RTKN: variants seen among roughly 807,000 people sequenced by gnomAD.
RTKN encodes rhotekin.
In RTKN, 49 loss-of-function variants were observed where a neutral mutation model predicts 63.5. The ratio of observed to expected loss-of-function variants is 0.77; its 90% CI spans 0.61 to 0.98. The LOEUF (loss-of-function observed/expected upper bound fraction) is 0.98. RTKN is among the 50% of genes least tolerant of loss of function. The pLI, the probability that RTKN is intolerant of heterozygous loss-of-function variation, is 0.00. For synonymous variants in RTKN, 295 were observed against 290.4 expected, an observed-to-expected ratio of 1.02 and a Z score of -0.16; for missense variants, 685 against 740.8, an observed-to-expected ratio of 0.92 and a Z score of 0.87.
chr2:74,440,191 T>G, intron 1 of RTKN: 3 of 428,882 alleles, frequency 7.0e-6, no homozygotes, highest in Non-Finnish European at 9.5e-6. Context: ...CAGCTTAGTT[T>G]GAGAAAGTTG....
intron 2 of RTKN, 40 bp downstream of exon 2, chr2:74,432,427 C>A: frequency 6.3e-7 from 1 of 1,584,566 alleles, no homozygotes. Flanking sequence ...ACCCAGAAGG[C>A]CTCCTGCCTC....
chr2:74,430,040 G>A lies in RTKN; in HGVS notation c.546-3C>T. The A allele has an allele frequency of 6.2e-7, 1 of 1,614,032 alleles. No individual in the cohort carries two copies. The highest frequency in any genetic ancestry group is 8.5e-7 in the Non-Finnish European group (1 of 1,179,886). On this transcript the variant is annotated splice_polypyrimidine_tract_variant and splice_region_variant and intron_variant, in intron 5 of 11. Coordinates refer to ENST00000272430, the MANE Select transcript of RTKN (RefSeq NM_001015055.2). Reference sequence around the variant, plus strand: ...CAAAGTCTGGCCCCGCCTCAGCGCTGGTGGGAGGAAGAAAGGAGGGTGGTC... The same window carrying A: ...CAAAGTCTGGCCCCGCCTCAGCGCTAGTGGGAGGAAGAAAGGAGGGTGGTC...
At chr2:74,431,248 T>C (rs554058240) in intron 2 of RTKN, among the ~76,000 whole-genome samples, 76 of 151,950 alleles carry the variant, frequency 5.0e-4, no homozygotes, top group Non-Finnish European at 7.6e-4. Context: ...ACTCCCCAAC[T>C]TTGATTTCTC....
At chr2:74,440,574 G>A (rs1272445058) in intron 1 of RTKN, 1 of 985,794 alleles carries the variant, frequency 1.0e-6, no homozygotes, top group Non-Finnish European at 1.2e-6. Flanking sequence ...CAGCTCCTCC[G>A]AGCTGTCCCC....
chr2:74,426,981 T>C (rs1670433019), intron 11 of RTKN, 188 bp downstream of exon 11: 1 of 985,244 alleles, frequency 1.0e-6, no homozygotes, highest in Admixed American at 6.1e-5. Context: ...TTTTGAACTT[T>C]GGTGGAGGTG....
intron 1 of RTKN, among the ~76,000 whole-genome samples, chr2:74,435,794 G>C (rs1450360781): frequency 1.3e-5 from 2 of 152,222 alleles, no homozygotes; most frequent in African/African-American, 4.8e-5. Flanking sequence ...GTCCCTAGTG[G>C]CTCCAGCCTT....
intron 1 of RTKN, among the ~76,000 whole-genome samples, chr2:74,434,204 G>C (rs981522423): frequency 6.6e-6 from 1 of 151,508 alleles, no homozygotes; most frequent in Non-Finnish European, 1.5e-5. Context: ...CCAGGTTCAA[G>C]TGATTCTTGT....
Position 74,441,835 on chromosome 2 carries a change from T to C in RTKN, c.-19A>G. On this transcript the variant is annotated 5_prime_UTR_variant, in exon 1 of 12. Coordinates refer to ENST00000272430, the MANE Select transcript of RTKN (RefSeq NM_001015055.2). ...AGAACATGCTGGCGGCCCTGCGACT[T>C]TGCCTGCTCAGTGCGCTCCCCGCGC... is the stretch of plus-strand genomic sequence containing the variant. The C allele has an allele frequency of 6.5e-7, 1 of 1,545,864 alleles. No homozygotes were observed. The highest frequency in any genetic ancestry group is 8.9e-7 in the Non-Finnish European group (1 of 1,126,378).
chr2:74,439,537 G>C, intron 1 of RTKN: 1 of 1,613,936 alleles, frequency 6.2e-7, no homozygotes, highest in Non-Finnish European at 8.5e-7. Context: ...GTACTCCAAG[G>C]GTCGGGGGAT....
At chr2:74,441,636 A>C in intron 1 of RTKN, 70 bp downstream of exon 1, 6 of 1,089,646 alleles carry the variant, frequency 5.5e-6, no homozygotes, top group Non-Finnish European at 8.2e-6. Context: ...GGGCGAGGGA[A>C]GGAGGCCGAG....
intron 1 of RTKN, among the ~76,000 whole-genome samples, chr2:74,437,483 C>T (rs994614302): frequency 1.3e-5 from 2 of 152,080 alleles, no homozygotes; most frequent in Non-Finnish European, 2.9e-5. Context: ...CTCCTCTGCC[C>T]CAGAACTTGA....
chr2:74,434,790 T>C (rs894543289), intron 1 of RTKN, among the ~76,000 whole-genome samples: 1 of 151,466 alleles, frequency 6.6e-6, no homozygotes, highest in Non-Finnish European at 1.5e-5. Context: ...CTTTGGAGTT[T>C]AAAAAAAAAT....
At chr2:74,428,116 G>T in intron 9 of RTKN, 152 bp downstream of exon 9, 3 of 925,922 alleles carry the variant, frequency 3.2e-6, no homozygotes, top group Non-Finnish European at 3.3e-6. Flanking sequence ...TGTAGTTGGG[G>T]AAAATACGGG....
intron 1 of RTKN, among the ~76,000 whole-genome samples, chr2:74,441,086 C>T (rs1016288386): frequency 1.3e-5 from 2 of 152,352 alleles, no homozygotes; most frequent in African/African-American, 2.4e-5. Context: ...AACGCGTGGA[C>T]GGCGGACGGG....
chr2:74,432,490 C>T lies in RTKN; in HGVS notation c.288G>A (p.Gln96=), dbSNP rs1474251103. The T allele has an allele frequency of 3.7e-6, 6 of 1,611,412 alleles. No individual in the cohort carries two copies. Among genetic ancestry groups the T allele is most frequent in the Non-Finnish European group, 4.2e-6 (5 of 1,180,012 alleles). ...MGELQRRKEA[Q]VLGKTSRRPS... ...ACCGCCGGCTTGTCTTCCCCAGCAC[C>T]TGCGCCTCCTTGCGCCGCTGCAGCT... Residue 96 remains glutamine (Q), a synonymous_variant, in exon 2 of 12, where the codon CAG becomes CAA. Transcript: ENST00000272430.
At chr2:74,437,828 G>A (rs896504994) in intron 1 of RTKN, among the ~76,000 whole-genome samples, 4 of 152,156 alleles carry the variant, frequency 2.6e-5, no homozygotes, top group Non-Finnish European at 5.9e-5. Flanking sequence ...CCACAAATTA[G>A]AAAAAGCTGA....
intron 9 of RTKN, 160 bp downstream of exon 9, chr2:74,428,108 T>C (rs1361738858): frequency 7.4e-6 from 6 of 810,114 alleles, no homozygotes; most frequent in Admixed American, 2.5e-5. Flanking sequence ...AGTGATGCTG[T>C]AGTTGGGGAA....
Position 74,430,323 on chromosome 2 carries a change from G to C in RTKN, c.474C>G (p.His158Gln), listed in dbSNP as rs1297259218. The change falls in exon 5 of 12, where the codon CAC becomes CAG. Residue 158 changes from histidine (H) to glutamine (Q), a missense_variant. Transcript: ENST00000272430. ...CTAGGATCATCTCTGTGTCCTGGAT[G>C]TGTTCCCCCAGCTGCAGCAGCAGGA... is the stretch of plus-strand genomic sequence containing the variant. The part of the protein sequence containing the change: ...AVFLLLQLGE[H>Q]IQDTEMILVD... The C allele has an allele frequency of 6.2e-7, 1 of 1,614,062 alleles. No homozygotes were observed. Among genetic ancestry groups the C allele is most frequent in the Admixed American group, 1.7e-5 (1 of 60,004 alleles).
At chr2:74,429,010 G>A in intron 6 of RTKN, 68 bp from the exon 7 acceptor site, 1 of 1,247,994 alleles carries the variant, frequency 8.0e-7, no homozygotes, top group South Asian at 1.2e-5. Flanking sequence ...TCTAAGGGCT[G>A]AGCAGATCTG....
Sources: gnomAD v4.1 joint callset for allele counts (sites outside exome capture counted in the v4.1 genomes callset) on GRCh38, gnomAD v4.1.1 for gene constraint, MANE v1.5 for transcripts, NCBI Gene and HGNC (gene_info 2026-07-23, HGNC 2026-07-21) for gene names.